FGFR1: variants seen among roughly 807,000 people sequenced by gnomAD.
FGFR1 encodes FGFR1/PLAG1 fusion.
A neutral mutation model predicts 93.7 loss-of-function variants in FGFR1; 18 were observed. That is an observed-to-expected ratio of 0.19 (90% CI 0.13 to 0.28). FGFR1 has a LOEUF of 0.28. Ranked by LOEUF, FGFR1 falls within the 10% of genes least tolerant of loss-of-function variation. FGFR1 has a pLI of 1.00. For synonymous variants in FGFR1, 448 were observed against 429.3 expected (o/e 1.04, Z -0.54); for missense variants, 731 against 1,080.4 (o/e 0.68, Z 4.53).
Position 38,468,605 on chromosome 8 carries a change from T to C in FGFR1, c.-713A>G. The C allele has an allele frequency of 4.3e-6, 1 of 230,006 alleles. No homozygotes were observed. The allele number at this position is 230,006 out of a possible 1,614,324, so 14.2% of individuals were successfully genotyped here. A position where few individuals can be genotyped will look rare whatever the true frequency, so the allele number is the denominator to read the frequency against. On this transcript the variant is annotated 5_prime_UTR_variant, in exon 1 of 18. Transcript: ENST00000447712. ...CGCCCGCCGCCGAGGACGCCGCGCCTGTGGCCGCAAGAGCGCTCCGAGCGC... is the reference window on the plus strand; with the variant it reads ...CGCCCGCCGCCGAGGACGCCGCGCCCGTGGCCGCAAGAGCGCTCCGAGCGC...
intron 7 of FGFR1, 69 bp from the exon 8 acceptor site, chr8:38,422,010 G>C (rs955139564): frequency 6.4e-7 from 1 of 1,566,334 alleles, no homozygotes; most frequent in Non-Finnish European, 8.8e-7. Context: ...GCAGAGCAAG[G>C]GAAGGAGACA....
rs1272962319 is a variant in FGFR1 at position 38,449,329 on chromosome 8, TA to T, written c.91+8026del. Among the ~76,000 whole-genome samples the T allele has an allele frequency of 2.6e-5, 4 of 151,978 alleles. No homozygotes were observed. In the East Asian group the frequency reaches 7.7e-4, roughly 29 times the overall value. On this transcript the variant is annotated intron_variant, in intron 2 of 17. Transcript: ENST00000447712. Reference sequence around the variant, plus strand: ...GACTAGGATAAAACAATGTATAAAGTATACATTGTATTTACGGAAAAAGGAA... The same window carrying T: ...GACTAGGATAAAACAATGTATAAAGTTACATTGTATTTACGGAAAAAGGAA...
chr8:38,415,755 G>A, intron 13 of FGFR1, 115 bp downstream of exon 13: 1 of 1,012,228 alleles, frequency 9.9e-7, no homozygotes, highest in Non-Finnish European at 1.5e-6. Flanking sequence ...GGCACACAGG[G>A]CCAGTGCTCA....
rs2151507408 is a variant in FGFR1, at chr8:38,468,216, G to A, written c.-324C>T. On this transcript the variant is annotated 5_prime_UTR_variant, in exon 1 of 18. Coordinates refer to ENST00000447712, the MANE Select transcript of FGFR1 (RefSeq NM_023110.3). Reference sequence around the variant, plus strand: ...TGCCCCGGAGGCGGGGCGGGGGGAGGGCTCCCGTCCGCCACCCGGGGTCTC... The same window carrying A: ...TGCCCCGGAGGCGGGGCGGGGGGAGAGCTCCCGTCCGCCACCCGGGGTCTC... 4.4e-6 allele frequency: 1 copy of A among 228,610 alleles called. No homozygotes were observed. The highest frequency in any genetic ancestry group is 5.7e-5 in the Admixed American group (1 of 17,624). The allele number at this position is 228,610 out of a possible 1,614,324, so 14.2% of individuals were successfully genotyped here.
rs1011858831 is a variant in FGFR1 at position 38,449,226 on chromosome 8, C to G, written c.91+8130G>C. ...AGCTTTAATCTAAACCCAAGCTAAA[C>G]CTTAAACTAAGATTTGAGCAGGAAT... On this transcript the variant is annotated intron_variant, in intron 2 of 17. Coordinates refer to ENST00000447712, the MANE Select transcript of FGFR1 (RefSeq NM_023110.3). Among the ~76,000 whole-genome samples, 34 of 151,904 alleles carry G rather than the reference C, an allele frequency of 2.2e-4. 1 individual carries two copies. Among genetic ancestry groups the G allele is most frequent in the Middle Eastern group, 3.2e-3 (1 of 316 alleles).
At position 38,411,518 on chromosome 8, in the gene FGFR1, C is replaced by T. The variant is rs1280980320; in HGVS notation, c.*2110G>A. ...ACAGAGAGAAACAAAGAGAATTTTACAATAGTCGCCAACACTGCAGCTGCC... is the reference window on the plus strand; with the variant it reads ...ACAGAGAGAAACAAAGAGAATTTTATAATAGTCGCCAACACTGCAGCTGCC... On this transcript the variant is annotated 3_prime_UTR_variant, in exon 18 of 18. Transcript: ENST00000447712. The T allele has an allele frequency of 4.4e-6, 1 of 228,540 alleles. No individual in the cohort carries two copies. Among genetic ancestry groups the T allele is most frequent in the African/African-American group, 2.2e-5 (1 of 45,110 alleles). 14.2% of individuals were successfully genotyped at this position (228,540 alleles called of 1,614,324 possible).
Position 38,419,641 on chromosome 8 carries a change from C to T in FGFR1, c.1176G>A (p.Gly392=), listed in dbSNP as rs56273573. The T allele has an allele frequency of 4.7e-5, 76 of 1,614,138 alleles. 1 individual carries two copies. The highest frequency in any genetic ancestry group is 2.5e-4 in the South Asian group (23 of 91,080). Residue 392 remains glycine (G), a synonymous_variant, in exon 9 of 18, where the codon GGG becomes GGA. Transcript: ENST00000447712. ...TCTTCATCTTGTAGACGATGACCGACCCCACCATGCAGGAGATGAGGAAGG... is the reference window on the plus strand; with the variant it reads ...TCTTCATCTTGTAGACGATGACCGATCCCACCATGCAGGAGATGAGGAAGG... ...TGAFLISCMV[G]SVIVYKMKSG... is the part of the protein sequence containing the mutation.
chr8:38,417,271 G>A (rs780835002), intron 12 of FGFR1, 35 bp downstream of exon 12: 18 of 1,538,986 alleles, frequency 1.2e-5, no homozygotes, highest in African/African-American at 2.7e-5. Context: ...TCTTCTCCCC[G>A]CTGGGCAGGG....
At position 38,460,249 on chromosome 8, in the gene FGFR1, T is replaced by C. The variant is rs147966593; in HGVS notation, c.-88-2715A>G. On this transcript the variant is annotated intron_variant, in intron 1 of 17. Transcript: ENST00000447712. ...CAGATGGGCCATCTAGGACACTGCA[T>C]GGGGCACATTCCCAGAGCTGGGATA... Among the ~76,000 whole-genome samples, 5 of 152,180 alleles carry C rather than the reference T, an allele frequency of 3.3e-5. No homozygotes were observed. The East Asian group carries it at 9.6e-4, about 29-fold the overall frequency.
intron 3 of FGFR1, 39 bp from the exon 4 acceptor site, chr8:38,428,474 G>C (rs1821621775): frequency 1.3e-6 from 2 of 1,533,662 alleles, no homozygotes; most frequent in South Asian, 2.3e-5. Context: ...TCCTCCTAGG[G>C]ACCCCTAGAT....
intron 2 of FGFR1, among the ~76,000 whole-genome samples, chr8:38,431,367 A>T (rs932688762): frequency 2.6e-5 from 4 of 152,208 alleles, no homozygotes; most frequent in Admixed American, 2.0e-4. Context: ...TCTGAACCTG[A>T]GTGCGGTGAT....
chr8:38,428,192 A>G, intron 4 of FGFR1, 99 bp from the exon 5 acceptor site: 2 of 1,553,192 alleles, frequency 1.3e-6, no homozygotes, highest in Non-Finnish European at 1.8e-6. Context: ...TGTCTTGCCC[A>G]TCTGCCCAAC....
chr8:38,446,581 T>A (rs562494192), intron 2 of FGFR1, among the ~76,000 whole-genome samples: 1 of 151,938 alleles, frequency 6.6e-6, no homozygotes, highest in Non-Finnish European at 1.5e-5. Flanking sequence ...CCCAGGTAAT[T>A]TTTTGTATTT....
At chr8:38,415,534 T>A (rs1287831734) in intron 13 of FGFR1, among the ~76,000 whole-genome samples, 1 of 151,472 alleles carries the variant, frequency 6.6e-6, no homozygotes, top group Non-Finnish European at 1.5e-5. Context: ...ACTCCTGAGC[T>A]CAAGCAATCC....
At chr8:38,466,803 G>A (rs1406098630) in intron 1 of FGFR1, 1 of 208,074 alleles carries the variant, frequency 4.8e-6, no homozygotes, top group African/African-American at 2.3e-5. Flanking sequence ...ATTGGGGGTG[G>A]GGGAGTGCTG....
rs2151339865 is a variant in FGFR1, at chr8:38,457,343, G to A, written c.91+13C>T. ...GGCCCAGGAGTCCAGGCTGCCCCCA[G>A]CCAGCACCTTACCTTGTTCAGGCAA... On this transcript the variant is annotated intron_variant, in intron 2 of 17. Transcript: ENST00000447712. 6.2e-7 allele frequency: 1 copy of A among 1,611,268 alleles called. No homozygotes were observed.
chr8:38,422,682 G>A (rs1156851207), intron 7 of FGFR1: 20 of 317,066 alleles, frequency 6.3e-5, no homozygotes, highest in East Asian at 1.0e-4. Context: ...GATGACAGGC[G>A]TGAGCCACTG....
intron 2 of FGFR1, among the ~76,000 whole-genome samples, chr8:38,457,050 C>G (rs1833029721): frequency 6.6e-6 from 1 of 152,202 alleles, no homozygotes; most frequent in African/African-American, 2.4e-5. Flanking sequence ...CACTAGGGTC[C>G]TCATCAGATA....
intron 2 of FGFR1, among the ~76,000 whole-genome samples, chr8:38,455,071 G>A (rs1832402449): frequency 6.7e-6 from 1 of 149,984 alleles, no homozygotes; most frequent in Admixed American, 6.7e-5. Context: ...TACCTCCCAG[G>A]TTCAAGTGAT....
Sources: allele counts gnomAD v4.1 joint callset (sites outside exome capture counted in the v4.1 genomes callset), GRCh38; gene constraint gnomAD v4.1.1; transcripts MANE v1.5; gene names NCBI Gene and HGNC (gene_info 2026-07-23, HGNC 2026-07-21).